CAP1: variants seen among roughly 807,000 people sequenced by gnomAD.
The protein encoded by CAP1 is adenylyl cyclase-associated protein 1.
CAP1 carries 11 observed loss-of-function variants against 58.2 expected under a neutral mutation model. The ratio of observed to expected loss-of-function variants is 0.19; its 90% confidence interval spans 0.12 to 0.31. The LOEUF (loss-of-function observed/expected upper bound fraction) is 0.31, where lower values mean the gene tolerates loss of function less well. Ranked by LOEUF, CAP1 falls within the 10% of genes least tolerant of loss-of-function variation. CAP1 has a pLI of 1.00. For missense variants in CAP1, 423 were observed against 587.5 expected (o/e 0.72, Z 2.89); for synonymous variants, 183 against 213.8 (o/e 0.86, Z 1.26).
intron 4 of CAP1, 143 bp downstream of exon 4, chr1:40,061,955 C>T: frequency 1.4e-6 from 1 of 693,094 alleles, no homozygotes; most frequent in Non-Finnish European, 2.6e-6. Context: ...GAGGTAGAGC[C>T]ATACTTCAAG....
chr1:40,055,788 AGT>A (rs1379125903), intron 1 of CAP1, among the ~76,000 whole-genome samples: 3 of 152,120 alleles, frequency 2.0e-5, no homozygotes, highest in Non-Finnish European at 4.4e-5. Flanking sequence ...GGATTAGAGG[AGT>A]GAGCCACTGT....
At chr1:40,064,898 C>G (rs145224758) in intron 6 of CAP1, among the ~76,000 whole-genome samples, 12 of 152,270 alleles carry the variant, frequency 7.9e-5, no homozygotes, top group African/African-American at 2.9e-4. Flanking sequence ...AGGATAAACC[C>G]ATTTGGTTAC....
At chr1:40,064,450 C>G (rs142203693) in intron 5 of CAP1, 24 bp from the exon 6 acceptor site, 1 of 1,610,746 alleles carries the variant, frequency 6.2e-7, no homozygotes, top group African/African-American at 1.3e-5. Context: ...GGTCCTGAGT[C>G]ACTGACAGCT....
At chr1:40,046,228 G>A (rs1646094037) in intron 1 of CAP1, among the ~76,000 whole-genome samples, 1 of 152,180 alleles carries the variant, frequency 6.6e-6, no homozygotes, top group African/African-American at 2.4e-5. Flanking sequence ...GGCCAAGGCG[G>A]GTGGATCACC....
Position 40,067,580 on chromosome 1 carries a change from C to A in CAP1, c.671C>A (p.Pro224His). The change falls in exon 8 of 13, where the codon CCC becomes CAC. Residue 224 changes from proline to histidine, a missense_variant. Coordinates refer to ENST00000372805, the MANE Select transcript of CAP1 (RefSeq NM_006367.4). ...AKELSGLPSG[P>H]SAGSCPPPPP... is the part of the protein sequence containing the mutation. ...GAACTGAGCGGACTGCCATCTGGAC[C>A]CTCTGCCGGATCATGTCCTCCTCCC... 1.2e-6 allele frequency: 2 copies of A among 1,610,136 alleles called. No individual in the cohort carries two copies. The highest frequency in any genetic ancestry group is 1.7e-6 in the Non-Finnish European group (2 of 1,178,004).
At chr1:40,046,263 C>T (rs1646096394) in intron 1 of CAP1, among the ~76,000 whole-genome samples, 1 of 152,122 alleles carries the variant, frequency 6.6e-6, no homozygotes, top group South Asian at 2.1e-4. Context: ...CGAGACCAGC[C>T]TGGCCAACAT....
At chr1:40,067,465 C>T (rs1195370597) in intron 7 of CAP1, 75 bp from the exon 8 acceptor site, 79 of 1,311,776 alleles carry the variant, frequency 6.0e-5, no homozygotes, top group Non-Finnish European at 7.6e-5. Flanking sequence ...TGCACTGGCC[C>T]ATGTAGGGCA....
chr1:40,060,474 C>T lies in CAP1; in HGVS notation c.216+304C>T, dbSNP rs566235170. ...GCACCAGTTTGATCCCAACATATTA[C>T]ATAATCAAACCTACAGTGGCTTATT... On this transcript the variant is annotated intron_variant, in intron 3 of 12. Coordinates refer to ENST00000372805, the MANE Select transcript of CAP1 (RefSeq NM_006367.4). Among the ~76,000 whole-genome samples the T allele has an allele frequency of 1.3e-4, 20 of 152,292 alleles. No individual in the cohort carries two copies. In the South Asian group the frequency reaches 2.5e-3, roughly 19 times the overall value.
chr1:40,057,964 A>C (rs1279449821), intron 1 of CAP1, among the ~76,000 whole-genome samples: 1 of 152,208 alleles, frequency 6.6e-6, no homozygotes, highest in Non-Finnish European at 1.5e-5. Flanking sequence ...TAGCACCCTT[A>C]TCCCTCTGGA....
At chr1:40,049,546 GGA>G (rs1410084879) in intron 1 of CAP1, among the ~76,000 whole-genome samples, 1 of 152,002 alleles carries the variant, frequency 6.6e-6, no homozygotes, top group Non-Finnish European at 1.5e-5. Flanking sequence ...AGACATTGCT[GGA>G]GAATCAAGCT....
chr1:40,059,035 A>G (rs970823414), intron 1 of CAP1, among the ~76,000 whole-genome samples: 2 of 119,474 alleles, frequency 1.7e-5, no homozygotes, highest in Admixed American at 8.2e-5. Flanking sequence ...AACTTTCTAC[A>G]CACAGTATCA....
intron 1 of CAP1, among the ~76,000 whole-genome samples, chr1:40,049,535 TA>T (rs1557676127): frequency 6.6e-6 from 1 of 152,132 alleles, no homozygotes; most frequent in Non-Finnish European, 1.5e-5. Flanking sequence ...CAAACCACAA[TA>T]GACATTGCTG....
At chr1:40,066,363 T>C in intron 7 of CAP1, 43 bp downstream of exon 7, 3 of 949,484 alleles carry the variant, frequency 3.2e-6, no homozygotes, top group East Asian at 2.8e-5. Context: ...TCCCACTTTC[T>C]CTCTCCAGCA....
chr1:40,045,282 AC>A, intron 1 of CAP1, among the ~76,000 whole-genome samples: 1 of 152,296 alleles, frequency 6.6e-6, no homozygotes, highest in South Asian at 2.1e-4. Context: ...CTATGATTGT[AC>A]AATGTCCCCA....
At chr1:40,069,994 C>T (rs1356406048) in intron 9 of CAP1, 120 bp downstream of exon 9, 7 of 1,389,904 alleles carry the variant, frequency 5.0e-6, no homozygotes, top group Non-Finnish European at 6.8e-6. Context: ...ACCGCAACCT[C>T]CGCCTCCCGG....
intron 1 of CAP1, among the ~76,000 whole-genome samples, chr1:40,044,235 A>AG (rs1645977243): frequency 6.6e-6 from 1 of 151,948 alleles, no homozygotes; most frequent in Non-Finnish European, 1.5e-5. Flanking sequence ...TGTCTCTACC[A>AG]GAAAAAAAAA....
chr1:40,051,287 C>T (rs1005548172), intron 1 of CAP1, among the ~76,000 whole-genome samples: 2 of 152,214 alleles, frequency 1.3e-5, no homozygotes, highest in African/African-American at 4.8e-5. Context: ...TCATGGTTCA[C>T]ATCTGTAATC....
At chr1:40,046,478 A>G (rs1023824241) in intron 1 of CAP1, among the ~76,000 whole-genome samples, 1 of 42,120 alleles carries the variant, frequency 2.4e-5, no homozygotes, top group Non-Finnish European at 4.9e-5. Flanking sequence ...AACAAAACAA[A>G]ACAAAAAAAA....
chr1:40,048,041 A>C (rs1646184555), intron 1 of CAP1, among the ~76,000 whole-genome samples: 1 of 151,864 alleles, frequency 6.6e-6, no homozygotes, highest in Non-Finnish European at 1.5e-5. Flanking sequence ...GGTTAGATTT[A>C]GATGGCATCT....
Sources: allele counts gnomAD v4.1 joint callset (sites outside exome capture counted in the v4.1 genomes callset), GRCh38; gene constraint gnomAD v4.1.1; transcripts MANE v1.5; gene names NCBI Gene and HGNC (gene_info 2026-07-23, HGNC 2026-07-21).